Variants in APBA1 observed in about 807,000 individuals in gnomAD.
APBA1 encodes amyloid beta precursor protein binding family A member 1.
APBA1 carries 55 observed loss-of-function variants against 86.6 expected under a neutral mutation model. The observed-to-expected ratio is 0.64, with a 90% CI of 0.51 to 0.80. The LOEUF is 0.80. APBA1 is among the 30% of genes least tolerant of loss of function. APBA1 has a pLI of 0.00. For synonymous variants in APBA1, 511 were observed against 493.9 expected (o/e 1.03, Z -0.46); for missense variants, 1,090 against 1,183.0 (o/e 0.92, Z 1.15).
chr9:69,606,479 CTTTTTTTTTTTTT>C (rs35083481), intron 1 of APBA1, among the ~76,000 whole-genome samples: 11 of 50,894 alleles, frequency 2.2e-4, no homozygotes, highest in African/African-American at 4.8e-4. Flanking sequence ...AGGGAGCTAG[CTTTTTTTTTTTTT>C]TTTTTTTTTT....
At chr9:69,458,579 T>C (rs993270227) in intron 5 of APBA1, among the ~76,000 whole-genome samples, 35 of 152,218 alleles carry the variant, frequency 2.3e-4, no homozygotes, top group African/African-American at 7.7e-4. Context: ...CTTCCTGAGA[T>C]AAAAACTTAA....
intron 10 of APBA1, among the ~76,000 whole-genome samples, chr9:69,444,093 C>T (rs1393192023): frequency 6.6e-6 from 1 of 152,220 alleles, no homozygotes; most frequent in East Asian, 1.9e-4. Context: ...CTGCTCCCCC[C>T]GTGCTCTGAA....
chr9:69,459,574 T>C (rs1339741467), intron 5 of APBA1, among the ~76,000 whole-genome samples: 1 of 152,232 alleles, frequency 6.6e-6, no homozygotes, highest in South Asian at 2.1e-4. Flanking sequence ...GTAATATTAA[T>C]GTAGTTTACA....
chr9:69,608,715 T>A (rs1421048303), intron 1 of APBA1, among the ~76,000 whole-genome samples: 1 of 152,182 alleles, frequency 6.6e-6, no homozygotes, highest in Non-Finnish European at 1.5e-5. Flanking sequence ...TTATATGCAA[T>A]TATCTAAAGC....
At chr9:69,463,855 T>C (rs925558942) in intron 5 of APBA1, 2 of 152,236 alleles carry the variant, frequency 1.3e-5, no homozygotes, top group Non-Finnish European at 2.9e-5. Flanking sequence ...GTTAAGGACA[T>C]TGCTAAATGG....
At chr9:69,515,852 T>C (rs1292493184) in intron 2 of APBA1, among the ~76,000 whole-genome samples, 159 bp downstream of exon 2, 3 of 152,152 alleles carry the variant, frequency 2.0e-5, no homozygotes, top group African/African-American at 4.8e-5. Context: ...TTTGACAGTT[T>C]AGGTGCAAGC....
chr9:69,481,794 C>T (rs1375167320), intron 2 of APBA1, among the ~76,000 whole-genome samples: 2 of 151,608 alleles, frequency 1.3e-5, no homozygotes, highest in Non-Finnish European at 1.5e-5. Context: ...TGGAACAGAA[C>T]AGAGCCCTCA....
intron 1 of APBA1, among the ~76,000 whole-genome samples, chr9:69,639,032 T>C (rs1211792324): frequency 6.6e-6 from 1 of 152,148 alleles, no homozygotes; most frequent in East Asian, 1.9e-4. Context: ...AGAATTTATA[T>C]AGGTTTTGAT....
intron 1 of APBA1, among the ~76,000 whole-genome samples, chr9:69,658,294 T>TTCTCTC (rs774468066): frequency 7.4e-4 from 33 of 44,586 alleles, no homozygotes; most frequent in East Asian, 5.1e-3. Context: ...CTCTCTCTCT[T>TTCTCTC]TCTCTCTCTC....
At chr9:69,458,283 T>C in intron 5 of APBA1, 95 bp from the exon 6 acceptor site, 1 of 1,140,158 alleles carries the variant, frequency 8.8e-7, no homozygotes, top group South Asian at 1.6e-5. Flanking sequence ...TAATACTGAA[T>C]AGTGGCATAA....
intron 1 of APBA1, among the ~76,000 whole-genome samples, chr9:69,655,269 C>G (rs1823585066): frequency 6.6e-6 from 1 of 151,932 alleles, no homozygotes; most frequent in Admixed American, 6.6e-5. Flanking sequence ...TCATATTGCC[C>G]CTACTGGCAG....
intron 2 of APBA1, among the ~76,000 whole-genome samples, chr9:69,502,018 C>G (rs990656167): frequency 4.6e-5 from 7 of 152,112 alleles, no homozygotes; most frequent in African/African-American, 1.7e-4. Context: ...TTTGTCCCAT[C>G]ACTTCTTGGC....
At chr9:69,520,661 C>T (rs1836237556) in intron 1 of APBA1, among the ~76,000 whole-genome samples, 1 of 152,180 alleles carries the variant, frequency 6.6e-6, no homozygotes, top group African/African-American at 2.4e-5. Context: ...AATCACACCT[C>T]CTCACCTTCC....
intron 1 of APBA1, among the ~76,000 whole-genome samples, chr9:69,568,334 C>G (rs1191141048): frequency 6.6e-6 from 1 of 152,174 alleles, no homozygotes; most frequent in African/African-American, 2.4e-5. Flanking sequence ...ATCATTCTCT[C>G]CTTTGAAAAT....
Position 69,662,807 on chromosome 9 carries a change from C to T in APBA1, c.-70+9346G>A, listed in dbSNP as rs1309117121. Among the ~76,000 whole-genome samples, 4 of 152,270 alleles carry T rather than the reference C, an allele frequency of 2.6e-5. No homozygotes were observed. In the South Asian group the frequency reaches 6.2e-4, roughly 24 times the overall value. On this transcript the variant is annotated intron_variant, in intron 1 of 12. Transcript: ENST00000265381. Reference sequence around the variant, plus strand: ...CCAGCTCAGCAAGGAGGTTGTGGCCCAGTGACTTGACACGGTCCCCACAAC... The same window carrying T: ...CCAGCTCAGCAAGGAGGTTGTGGCCTAGTGACTTGACACGGTCCCCACAAC...
At chr9:69,563,683 T>C (rs181008974) in intron 1 of APBA1, among the ~76,000 whole-genome samples, 1 of 152,264 alleles carries the variant, frequency 6.6e-6, no homozygotes, top group Admixed American at 6.5e-5. Context: ...GACTTGTCTA[T>C]CCATCAAGAT....
At chr9:69,552,311 T>G (rs938527214) in intron 1 of APBA1, among the ~76,000 whole-genome samples, 1 of 152,252 alleles carries the variant, frequency 6.6e-6, no homozygotes, top group African/African-American at 2.4e-5. Context: ...TGTGTTTTTC[T>G]GTTCAAGTAT....
chr9:69,627,089 T>C (rs1822948585), intron 1 of APBA1, among the ~76,000 whole-genome samples: 1 of 152,184 alleles, frequency 6.6e-6, no homozygotes. Flanking sequence ...GGGCATTTCT[T>C]AAGGCACTTC....
intron 1 of APBA1, among the ~76,000 whole-genome samples, chr9:69,537,204 CTCTT>C (rs2133913599): frequency 1.3e-5 from 2 of 152,068 alleles, no homozygotes; most frequent in South Asian, 4.2e-4. Context: ...AAACATTCCT[CTCTT>C]TCTTTCCCAA....
Sources: gnomAD v4.1 joint callset for allele counts (sites outside exome capture counted in the v4.1 genomes callset) on GRCh38, gnomAD v4.1.1 for gene constraint, MANE v1.5 for transcripts, NCBI Gene and HGNC (gene_info 2026-07-23, HGNC 2026-07-21) for gene names.